Variants in CDH23 observed in about 807,000 individuals in gnomAD.
CDH23 encodes cadherin-23.
A neutral mutation model predicts 317.1 loss-of-function variants in CDH23; 189 were observed. The observed-to-expected ratio is 0.60, with a 90% CI of 0.53 to 0.67. The LOEUF (loss-of-function observed/expected upper bound fraction) is 0.67, where lower values mean the gene tolerates loss of function less well. Among genes scored for constraint, CDH23 ranks in the 30% least tolerant of loss-of-function variants. The pLI is 0.00. For missense variants in CDH23, 4,401 were observed against 4,592.4 expected (o/e 0.96, Z 1.20); for synonymous variants, 1,839 against 1,876.8 (o/e 0.98, Z 0.52).
At position 71,784,873 on chromosome 10, in the gene CDH23, C is replaced by T; in HGVS notation, c.5503-18C>T. ...GTCGCTCTTCCTCCCCTCCCTCCTCCTTCTCTGACTGGCCCAGATGCTGGT... is the reference window on the plus strand; with the variant it reads ...GTCGCTCTTCCTCCCCTCCCTCCTCTTTCTCTGACTGGCCCAGATGCTGGT... On this transcript the variant is annotated intron_variant, in intron 42 of 69. Transcript: ENST00000224721. The T allele has an allele frequency of 6.2e-7, 1 of 1,609,188 alleles. No homozygotes were observed. The highest frequency in any genetic ancestry group is 1.1e-5 in the South Asian group (1 of 91,016).
At chr10:71,549,274 T>C (rs1182564974) in intron 6 of CDH23, among the ~76,000 whole-genome samples, 1 of 152,256 alleles carries the variant, frequency 6.6e-6, no homozygotes, top group Admixed American at 6.5e-5. Flanking sequence ...GGATTTGGCT[T>C]CCATATTGTT....
intron 11 of CDH23, among the ~76,000 whole-genome samples, chr10:71,633,030 G>T (rs1455696922): frequency 6.6e-6 from 1 of 152,074 alleles, no homozygotes. Flanking sequence ...AGATTACTAC[G>T]TGTGCTCATG....
At chr10:71,640,756 A>G (rs1472522599) in intron 11 of CDH23, among the ~76,000 whole-genome samples, 2 of 152,198 alleles carry the variant, frequency 1.3e-5, no homozygotes, top group African/African-American at 2.4e-5. Flanking sequence ...TCTGTCTGAA[A>G]AAAAAAGAAA....
chr10:71,474,137 C>T (rs1032060421), intron 3 of CDH23, among the ~76,000 whole-genome samples: 6 of 152,210 alleles, frequency 3.9e-5, no homozygotes, highest in Admixed American at 3.9e-4. Flanking sequence ...CCAGAGGCAC[C>T]AGCTGCCAGT....
intron 11 of CDH23, among the ~76,000 whole-genome samples, chr10:71,622,740 C>T (rs1589271530): frequency 6.6e-6 from 1 of 152,332 alleles, no homozygotes; most frequent in East Asian, 1.9e-4. Flanking sequence ...GATCCACTTT[C>T]CTCTGCCTCA....
chr10:71,452,744 G>A (rs1484394313), intron 3 of CDH23, among the ~76,000 whole-genome samples: 1 of 152,168 alleles, frequency 6.6e-6, no homozygotes, highest in South Asian at 2.1e-4. Context: ...CGATTTTAGT[G>A]TCTCTATTAT....
At chr10:71,716,338 G>T (rs755015790) in intron 28 of CDH23, 7 of 1,470,144 alleles carry the variant, frequency 4.8e-6, no homozygotes, top group Non-Finnish European at 6.3e-6. Context: ...CTGTGCTCAT[G>T]GCTCCTGCAA....
At chr10:71,754,989 C>A (rs1339035350) in intron 38 of CDH23, 1 of 432,896 alleles carries the variant, frequency 2.3e-6, no homozygotes, top group Non-Finnish European at 4.7e-6. Flanking sequence ...ACAATTGCTA[C>A]TAATTACAAA....
chr10:71,399,928 A>G (rs536179219), intron 1 of CDH23, among the ~76,000 whole-genome samples: 3 of 151,596 alleles, frequency 2.0e-5, no homozygotes, highest in African/African-American at 7.3e-5. Context: ...TTGAGCAACT[A>G]CTCTCCACCT....
chr10:71,737,309 C>T (rs766377466), intron 34 of CDH23, among the ~76,000 whole-genome samples: 1 of 152,198 alleles, frequency 6.6e-6, no homozygotes, highest in Non-Finnish European at 1.5e-5. Context: ...TTCCTCCCAA[C>T]AGGTGTCATT....
intron 38 of CDH23, among the ~76,000 whole-genome samples, chr10:71,760,044 TACACACACAC>T (rs1208954622): frequency 1.8e-5 from 2 of 112,234 alleles, no homozygotes; most frequent in Non-Finnish European, 3.8e-5. Context: ...CACACATATA[TACACACACAC>T]ATATATATAC....
At chr10:71,650,245 G>A (rs1352129747) in intron 14 of CDH23, among the ~76,000 whole-genome samples, 1 of 152,208 alleles carries the variant, frequency 6.6e-6, no homozygotes, top group Admixed American at 6.5e-5. Flanking sequence ...TTCACTGATG[G>A]AGAAACCATT....
intron 3 of CDH23, among the ~76,000 whole-genome samples, chr10:71,448,041 G>A (rs74144967): frequency 0.02 from 3,014 of 152,330 alleles, 112 homozygotes; most frequent in African/African-American, 0.068. Flanking sequence ...GGCCACTGAG[G>A]CAGTGGTGTG....
At chr10:71,608,988 C>G (rs1393197137) in intron 9 of CDH23, among the ~76,000 whole-genome samples, 1 of 152,192 alleles carries the variant, frequency 6.6e-6, no homozygotes, top group Non-Finnish European at 1.5e-5. Flanking sequence ...CCCGCACGCA[C>G]CATCGGCCAC....
At chr10:71,811,657 A>T in intron 64 of CDH23, 56 bp from the exon 65 acceptor site, 1 of 1,613,740 alleles carries the variant, frequency 6.2e-7, no homozygotes, top group Admixed American at 1.7e-5. Context: ...CGAGGCAGGC[A>T]GGGCCTGAGA....
intron 9 of CDH23, among the ~76,000 whole-genome samples, chr10:71,605,035 TGCATCTAG>T (rs1329849159): frequency 6.6e-6 from 1 of 152,204 alleles, no homozygotes; most frequent in Non-Finnish European, 1.5e-5. Context: ...CAAAGCAGCC[TGCATCTAG>T]CACCAACTTG....
chr10:71,722,076 T>C (rs972368696), intron 28 of CDH23, among the ~76,000 whole-genome samples: 1 of 152,244 alleles, frequency 6.6e-6, no homozygotes, highest in Admixed American at 6.5e-5. Flanking sequence ...TCTGCAGTTT[T>C]GTCCAGTGAG....
intron 6 of CDH23, among the ~76,000 whole-genome samples, chr10:71,525,947 GC>G (rs1315411109): frequency 6.6e-6 from 1 of 152,244 alleles, no homozygotes; most frequent in Non-Finnish European, 1.5e-5. Flanking sequence ...TGGGTGCCAA[GC>G]CCATGCTTGG....
chr10:71,436,278 G>A (rs1176907524), intron 1 of CDH23, among the ~76,000 whole-genome samples: 1 of 152,262 alleles, frequency 6.6e-6, no homozygotes, highest in African/African-American at 2.4e-5. Context: ...ATGGGGAAAG[G>A]AGAACAGGCA....
Sources: gnomAD v4.1 joint callset for allele counts (sites outside exome capture counted in the v4.1 genomes callset) on GRCh38, gnomAD v4.1.1 for gene constraint, MANE v1.5 for transcripts, NCBI Gene and HGNC (gene_info 2026-07-23, HGNC 2026-07-21) for gene names.